Variants in TRIM2 observed in about 807,000 individuals in gnomAD.
The protein encoded by TRIM2 is tripartite motif-containing protein 2.
Under a neutral mutation model 75.2 loss-of-function variants are expected in TRIM2, and 20 were observed. That is an observed-to-expected ratio of 0.27 (90% CI 0.19 to 0.39). TRIM2 has a LOEUF of 0.39. Among genes scored for constraint, TRIM2 ranks in the 10% least tolerant of loss-of-function variants. The pLI is 1.00. For missense variants in TRIM2, 660 were observed against 990.8 expected, an observed-to-expected ratio of 0.67 and a Z score of 4.48; for synonymous variants, 373 against 388.3, an observed-to-expected ratio of 0.96 and a Z score of 0.46.
intron 1 of TRIM2, among the ~76,000 whole-genome samples, chr4:153,179,900 C>T (rs1471125158): frequency 3.9e-5 from 6 of 152,142 alleles, no homozygotes; most frequent in Admixed American, 6.5e-5. Flanking sequence ...CCCCTCCAGA[C>T]GGAGGACAAT....
intron 6 of TRIM2, among the ~76,000 whole-genome samples, chr4:153,311,988 A>G (rs1012009451): frequency 6.6e-6 from 1 of 151,604 alleles, no homozygotes; most frequent in African/African-American, 2.4e-5. Flanking sequence ...ATATGTATAC[A>G]TGTGCATGCT....
Position 153,283,626 on chromosome 4 carries a change from G to A in TRIM2, c.453+7496G>A, listed in dbSNP as rs896947730. On this transcript the variant is annotated intron_variant, in intron 3 of 11. Transcript: ENST00000338700. ...TCCATGTTTAACTTTTTAAGGAACC[G>A]TCAACTGTTTTTTTTCTTTTTTTTT... is the stretch of plus-strand genomic sequence containing the variant. Among the ~76,000 whole-genome samples the A allele has an allele frequency of 2.7e-5, 4 of 149,636 alleles. No homozygotes were observed. In the South Asian group the frequency reaches 8.4e-4, roughly 31 times the overall value.
chr4:153,247,754 T>G (rs1039048462), intron 1 of TRIM2, among the ~76,000 whole-genome samples: 1 of 151,866 alleles, frequency 6.6e-6, no homozygotes, highest in African/African-American at 2.4e-5. Context: ...CTATCATTTA[T>G]TGATGTATTT....
In TRIM2 at chr4:153,283,813, T is replaced by G. The variant is rs569533349; in HGVS notation, c.453+7683T>G. ...CACCACGCCCCGTGAATTTTTTGTA[T>G]TTTTAGTAGAGACGGGGTTTCATCA... On this transcript the variant is annotated intron_variant, in intron 3 of 11. Coordinates refer to ENST00000338700, the MANE Select transcript of TRIM2 (RefSeq NM_015271.5). Among the ~76,000 whole-genome samples the G allele has an allele frequency of 4.6e-5, 7 of 151,664 alleles. No individual in the cohort carries two copies. In the South Asian group the frequency reaches 1.3e-3, roughly 27 times the overall value.
intron 1 of TRIM2, among the ~76,000 whole-genome samples, chr4:153,244,290 TC>T (rs1560873432): frequency 0.022 from 728 of 33,372 alleles, 86 homozygotes; most frequent in Admixed American, 0.068. Context: ...CTCCTCCTCC[TC>T]CTCCTCCTCC....
At chr4:153,175,010 TTGTTTTG>T (rs1438950935) in intron 1 of TRIM2, among the ~76,000 whole-genome samples, 3 of 102,688 alleles carry the variant, frequency 2.9e-5, no homozygotes, top group South Asian at 2.9e-4. Context: ...TGTTTTTGTT[TTGTTTTG>T]TTTTTTTTTG....
rs139018434 is a variant in TRIM2 at position 153,191,864 on chromosome 4, G to A, written c.-49+38594G>A. ...TAAACATCCCTAAAGTCATCGTGCC[G>A]CAAGTTAAGCCTGTTTTCTTTGAGT... On this transcript the variant is annotated intron_variant, in intron 1 of 11. Transcript: ENST00000437508. 8.4e-3 allele frequency among the ~76,000 whole-genome samples: 1,283 copies of A among 152,240 alleles called. 22 individuals carry two copies. Among genetic ancestry groups the A allele is most frequent in the African/African-American group, 0.03 (1,227 of 41,532 alleles).
intron 10 of TRIM2, among the ~76,000 whole-genome samples, chr4:153,326,121 T>A (rs1190082684): frequency 6.6e-6 from 1 of 152,200 alleles, no homozygotes; most frequent in African/African-American, 2.4e-5. Context: ...AAAACTTGCT[T>A]TAAATATTTA....
At chr4:153,239,832 CTCTTT>C (rs1225899821) in intron 1 of TRIM2, among the ~76,000 whole-genome samples, 3 of 139,448 alleles carry the variant, frequency 2.2e-5, no homozygotes, top group African/African-American at 8.1e-5. Context: ...AACTTTCTTT[CTCTTT>C]TTTTTTTTTT....
upstream of TRIM2, chr4:153,152,408 G>GTGTA (rs1491322539): frequency 2.0e-5 from 1 of 50,560 alleles, no homozygotes; most frequent in Non-Finnish European, 7.1e-5. Context: ...ATATATGTGT[G>GTGTA]TATATATATA....
intron 3 of TRIM2, among the ~76,000 whole-genome samples, chr4:153,288,164 T>C (rs1761071332): frequency 6.6e-6 from 1 of 152,202 alleles, no homozygotes; most frequent in African/African-American, 2.4e-5. Flanking sequence ...CAGCCGGGCA[T>C]GGTGGCTCGC....
intron 1 of TRIM2, among the ~76,000 whole-genome samples, chr4:153,156,390 G>A (rs1729232633): frequency 6.6e-6 from 1 of 152,076 alleles, no homozygotes; most frequent in African/African-American, 2.4e-5. Context: ...TCTTACCCTG[G>A]CTGTAAATTA....
At chr4:153,188,446 T>C (rs1240272243) in intron 1 of TRIM2, among the ~76,000 whole-genome samples, 2 of 152,012 alleles carry the variant, frequency 1.3e-5, no homozygotes, top group African/African-American at 4.8e-5. Flanking sequence ...GGTAACAAAG[T>C]GAGACTCTGT....
intron 6 of TRIM2, among the ~76,000 whole-genome samples, chr4:153,314,398 C>A (rs922350410): frequency 8.8e-6 from 1 of 114,208 alleles, no homozygotes; most frequent in Admixed American, 1.2e-4. Context: ...CCAGCCTGGG[C>A]GACAGAGCGA....
In TRIM2 at chr4:153,244,337, T is replaced by C. The variant is rs28643385; in HGVS notation, c.31-25998T>C. On this transcript the variant is annotated intron_variant, in intron 1 of 11. Coordinates refer to ENST00000338700, the MANE Select transcript of TRIM2 (RefSeq NM_015271.5). ...CCTCCTCCTCTTCTTCTTCTTCTTC[T>C]TCTTCTTCTTCTTCTTCCTCTTCTT... Among the ~76,000 whole-genome samples, 22 of 28,606 alleles carry C rather than the reference T, an allele frequency of 7.7e-4. 2 individuals are homozygous for C. Among genetic ancestry groups the C allele is most frequent in the South Asian group, 3.6e-3 (2 of 552 alleles). 18.8% of individuals were successfully genotyped at this position (28,606 alleles called of 152,430 possible). A position where few individuals can be genotyped will look rare whatever the true frequency, so the allele number is the denominator to read the frequency against.
chr4:153,252,005 C>T (rs909463614), intron 1 of TRIM2, among the ~76,000 whole-genome samples: 12 of 152,012 alleles, frequency 7.9e-5, no homozygotes, highest in Non-Finnish European at 1.2e-4. Context: ...ATGAAATCTA[C>T]GATACATTAT....
intron 1 of TRIM2, among the ~76,000 whole-genome samples, chr4:153,249,608 C>G (rs1024712274): frequency 6.6e-6 from 1 of 152,192 alleles, no homozygotes; most frequent in Non-Finnish European, 1.5e-5. Context: ...GCTCCCGCCT[C>G]GGCCACCTCC....
At chr4:153,209,381 G>C (rs1736333556) in intron 1 of TRIM2, among the ~76,000 whole-genome samples, 1 of 152,148 alleles carries the variant, frequency 6.6e-6, no homozygotes, top group Admixed American at 6.5e-5. Flanking sequence ...AACTGGAATT[G>C]CACTCCCTAG....
chr4:153,270,977 A>G (rs1382172150), intron 2 of TRIM2, among the ~76,000 whole-genome samples: 2 of 152,212 alleles, frequency 1.3e-5, no homozygotes, highest in Admixed American at 6.5e-5. Flanking sequence ...ACACATACTA[A>G]TGTCACATTT....
Sources: gnomAD v4.1 joint callset for allele counts (sites outside exome capture counted in the v4.1 genomes callset) on GRCh38, gnomAD v4.1.1 for gene constraint, MANE v1.5 for transcripts, NCBI Gene and HGNC (gene_info 2026-07-23, HGNC 2026-07-21) for gene names.